TMEM232: variants seen among roughly 807,000 people sequenced by gnomAD.
TMEM232 encodes transmembrane protein 232.
In TMEM232, 80 loss-of-function variants were observed where a neutral mutation model predicts 78.8. That is an observed-to-expected ratio of 1.01 (90% CI 0.85 to 1.22). The LOEUF (loss-of-function observed/expected upper bound fraction) is 1.22, where lower values mean the gene tolerates loss of function less well. Ranked by LOEUF, TMEM232 falls within the 50% of genes most tolerant of loss-of-function variation. The pLI is 0.00. For synonymous variants in TMEM232, 297 were observed against 254.3 expected (o/e 1.17, Z -1.60); for missense variants, 881 against 742.2 (o/e 1.19, Z -2.17).
intron 10 of TMEM232, among the ~76,000 whole-genome samples, chr5:110,601,125 C>T (rs1780829463): frequency 6.6e-6 from 1 of 152,178 alleles, no homozygotes; most frequent in African/African-American, 2.4e-5. Context: ...GCTAAAAGCA[C>T]TCAATAAACT....
chr5:110,557,188 T>A (rs111992235), intron 11 of TMEM232, among the ~76,000 whole-genome samples: 12 of 152,326 alleles, frequency 7.9e-5, no homozygotes, highest in African/African-American at 2.9e-4. Context: ...GATTATGTTA[T>A]GAAATTTTTC....
At chr5:110,637,983 A>G (rs1786111128) in intron 5 of TMEM232, among the ~76,000 whole-genome samples, 1 of 152,254 alleles carries the variant, frequency 6.6e-6, no homozygotes, top group South Asian at 2.1e-4. Context: ...TTATTTTCTT[A>G]TATAGTTTGT....
chr5:110,726,789 T>C (rs1188578555), upstream of TMEM232: 1 of 152,246 alleles, frequency 6.6e-6, no homozygotes, highest in Non-Finnish European at 1.5e-5. Context: ...ACCACATTTG[T>C]GTTCAATTTC....
At chr5:110,609,293 A>G (rs1403293939) in intron 8 of TMEM232, among the ~76,000 whole-genome samples, 1 of 152,102 alleles carries the variant, frequency 6.6e-6, no homozygotes, top group Non-Finnish European at 1.5e-5. Context: ...TCCATAAACC[A>G]TAAAGTTGAT....
chr5:110,610,715 C>G (rs879192173), intron 8 of TMEM232: 4 of 327,630 alleles, frequency 1.2e-5, no homozygotes, highest in African/African-American at 8.7e-5. Flanking sequence ...CTGACGACTT[C>G]GAACATCTCA....
intron 11 of TMEM232, among the ~76,000 whole-genome samples, chr5:110,537,972 A>T (rs1346189818): frequency 6.6e-6 from 1 of 152,212 alleles, no homozygotes; most frequent in Non-Finnish European, 1.5e-5. Context: ...ATTCATCTGA[A>T]TCCTTTAGGG....
At chr5:110,646,113 C>A (rs1787441358) in intron 2 of TMEM232, among the ~76,000 whole-genome samples, 1 of 151,556 alleles carries the variant, frequency 6.6e-6, no homozygotes, top group Non-Finnish European at 1.5e-5. Flanking sequence ...AGAAAGACAT[C>A]CTGTGTTCAT....
At chr5:110,457,771 A>G (rs912197989) in intron 12 of TMEM232, among the ~76,000 whole-genome samples, 39 of 152,120 alleles carry the variant, frequency 2.6e-4, no homozygotes, top group South Asian at 2.1e-4. Context: ...TGTAGGTGCT[A>G]TAAGATAAAA....
At chr5:110,389,274 A>C (rs930059267) in intron 4 of TMEM232, among the ~76,000 whole-genome samples, 1 of 105,920 alleles carries the variant, frequency 9.4e-6, no homozygotes, top group Non-Finnish European at 1.7e-5. Context: ...CAAACAAACA[A>C]AACAAAACAA....
At chr5:110,571,496 A>G (rs1229922997) in intron 10 of TMEM232, among the ~76,000 whole-genome samples, 4 of 151,772 alleles carry the variant, frequency 2.6e-5, no homozygotes, top group African/African-American at 4.8e-5. Context: ...AAGGATCTCA[A>G]ATGAAGCTAA....
intron 12 of TMEM232, among the ~76,000 whole-genome samples, chr5:110,477,623 A>G (rs1261509895): frequency 6.6e-6 from 1 of 151,780 alleles, no homozygotes; most frequent in Non-Finnish European, 1.5e-5. Context: ...GCCTCCATCT[A>G]TTCAAAAACC....
chr5:110,532,494 T>C (rs562521929), intron 11 of TMEM232, among the ~76,000 whole-genome samples: 78 of 152,068 alleles, frequency 5.1e-4, no homozygotes, highest in Middle Eastern at 6.8e-3. Flanking sequence ...TGGGTACTGA[T>C]GGCCAGGCTT....
At chr5:110,686,998 C>T (rs771449457) in intron 1 of TMEM232, among the ~76,000 whole-genome samples, 1 of 152,124 alleles carries the variant, frequency 6.6e-6, no homozygotes, top group Non-Finnish European at 1.5e-5. Context: ...TTCAAAGGAG[C>T]ACTGTTAATC....
At chr5:110,496,670 T>C (rs1765678947) in intron 12 of TMEM232, among the ~76,000 whole-genome samples, 1 of 152,018 alleles carries the variant, frequency 6.6e-6, no homozygotes. Context: ...GCAAGGCTCA[T>C]AAGGAGAAAC....
chr5:110,459,004 G>T (rs1464607693), intron 12 of TMEM232, among the ~76,000 whole-genome samples: 1 of 152,004 alleles, frequency 6.6e-6, no homozygotes, highest in Non-Finnish European at 1.5e-5. Context: ...CTTTATTAGG[G>T]TAACAAAAAT....
chr5:110,643,016 C>G (rs552467573), intron 2 of TMEM232, among the ~76,000 whole-genome samples: 10 of 151,560 alleles, frequency 6.6e-5, no homozygotes, highest in Non-Finnish European at 1.3e-4. Context: ...TTAGGTGGGA[C>G]GTAATAGTGG....
intron 10 of TMEM232, among the ~76,000 whole-genome samples, chr5:110,578,125 G>A (rs1268536199): frequency 6.6e-6 from 1 of 151,756 alleles, no homozygotes. Flanking sequence ...GGAAACCAAG[G>A]ATAAAAGTAG....
chr5:110,401,733 T>G lies in TMEM232; in HGVS notation n.309-3879A>C, dbSNP rs556623625. ...TTTTTTTTCCTGGGCTCACCCAATA[T>G]ACTTTTAATTGAATTAACTGCCAAT... On this transcript the variant is annotated intron_variant and non_coding_transcript_variant, in intron 2 of 8. Transcript: ENST00000507188. 1.2e-4 allele frequency among the ~76,000 whole-genome samples: 18 copies of G among 152,196 alleles called. No homozygotes were observed. The East Asian group carries it at 3.3e-3, about 28-fold the overall frequency.
chr5:110,497,640 C>T (rs905261543), intron 12 of TMEM232, among the ~76,000 whole-genome samples: 7 of 152,142 alleles, frequency 4.6e-5, no homozygotes, highest in African/African-American at 1.7e-4. Context: ...ATGGCAAAAG[C>T]TAGTGAGGTT....
Sources: gnomAD v4.1 joint callset for allele counts (sites outside exome capture counted in the v4.1 genomes callset) on GRCh38, gnomAD v4.1.1 for gene constraint, MANE v1.5 for transcripts, NCBI Gene and HGNC (gene_info 2026-07-23, HGNC 2026-07-21) for gene names.